GALNT18: variants seen among roughly 807,000 people sequenced by gnomAD.
GALNT18 encodes GalNAc-transferase 18.
Under a neutral mutation model 69.5 loss-of-function variants are expected in GALNT18, and 44 were observed. The ratio of observed to expected loss-of-function variants is 0.63; its 90% CI spans 0.50 to 0.81. GALNT18 has a LOEUF of 0.81. GALNT18 is among the 40% of genes least tolerant of loss of function. GALNT18 has a pLI of 0.00. For synonymous variants in GALNT18, 364 were observed against 318.2 expected (o/e 1.14, Z -1.53); for missense variants, 715 against 810.0 (o/e 0.88, Z 1.42).
chr11:11,310,096 A>G (rs953447922), intron 9 of GALNT18, among the ~76,000 whole-genome samples: 2 of 152,130 alleles, frequency 1.3e-5, no homozygotes, highest in Non-Finnish European at 2.9e-5. Context: ...AGAAGTCTAC[A>G]CTTGCTGACT....
At position 11,546,777 on chromosome 11, in the gene GALNT18, T is replaced by C. The variant is rs999767186; in HGVS notation, c.235+74582A>G. ...TCTCATCCTTCCATCTTATAAATTA[T>C]CTGAGGACCTGGCATAGAGCAGGCA... On this transcript the variant is annotated intron_variant, in intron 1 of 10. Coordinates refer to ENST00000227756, the MANE Select transcript of GALNT18 (RefSeq NM_198516.3). This position sits in a 1 kb window ranked among gnomAD's most constrained non-coding sequence, Gnocchi z 5.8. Among the ~76,000 whole-genome samples the C allele has an allele frequency of 1.3e-5, 2 of 152,040 alleles. No individual in the cohort carries two copies. Among genetic ancestry groups the C allele is most frequent in the African/African-American group, 4.8e-5 (2 of 41,412 alleles).
rs1299432788 is a variant in GALNT18, at chr11:11,444,708, C to T, written c.428+4036G>A. Among the ~76,000 whole-genome samples, 5 of 152,128 alleles carry T rather than the reference C, an allele frequency of 3.3e-5. No individual in the cohort carries two copies. Among genetic ancestry groups the T allele is most frequent in the South Asian group, 2.1e-4 (1 of 4,802 alleles). On this transcript the variant is annotated intron_variant, in intron 2 of 10. Coordinates refer to ENST00000227756, the MANE Select transcript of GALNT18 (RefSeq NM_198516.3). The surrounding 1 kb of genome is among the most constrained non-coding windows in gnomAD (Gnocchi z 4.4). Reference sequence around the variant, plus strand: ...TAGAGGTGAGAGAAAGGAGGGTGGGCAGGATTCTGAACACTCACTTTCTGA... The same window carrying T: ...TAGAGGTGAGAGAAAGGAGGGTGGGTAGGATTCTGAACACTCACTTTCTGA...
intron 1 of GALNT18, among the ~76,000 whole-genome samples, chr11:11,575,786 G>A (rs756472294): frequency 1.3e-5 from 2 of 152,218 alleles, no homozygotes; most frequent in Non-Finnish European, 2.9e-5. Flanking sequence ...AGGGAGGAAG[G>A]AGGGGAGCCA....
chr11:11,502,113 C>T (rs945230400), intron 1 of GALNT18, among the ~76,000 whole-genome samples: 4 of 152,064 alleles, frequency 2.6e-5, no homozygotes, highest in African/African-American at 9.7e-5. Context: ...GTGTAGAGCT[C>T]GTTTGAGGAT....
intron 6 of GALNT18, among the ~76,000 whole-genome samples, chr11:11,366,472 G>A (rs1351490130): frequency 6.6e-6 from 1 of 152,082 alleles, no homozygotes; most frequent in Non-Finnish European, 1.5e-5. Flanking sequence ...TATCTTTACT[G>A]TTAAAAATAA....
chr11:11,539,292 A>G (rs58097199), intron 1 of GALNT18, among the ~76,000 whole-genome samples: 3 of 146,556 alleles, frequency 2.0e-5, no homozygotes, highest in African/African-American at 8.3e-5. Context: ...TGCCTCCCCC[A>G]CAGTCTTCCC....
chr11:11,501,853 A>T (rs6484955), intron 1 of GALNT18, among the ~76,000 whole-genome samples: 1 of 152,198 alleles, frequency 6.6e-6, no homozygotes, highest in African/African-American at 2.4e-5. Flanking sequence ...CTCGCCTGGG[A>T]AGGTTCTGCC....
intron 1 of GALNT18, among the ~76,000 whole-genome samples, chr11:11,572,149 T>C (rs965441211): frequency 1.2e-4 from 19 of 152,302 alleles, no homozygotes; most frequent in East Asian, 9.7e-4. Flanking sequence ...CATCGAGTAG[T>C]GGTGTGGATG....
intron 9 of GALNT18, among the ~76,000 whole-genome samples, chr11:11,298,689 A>T (rs1590019783): frequency 6.6e-6 from 1 of 152,248 alleles, no homozygotes; most frequent in Non-Finnish European, 1.5e-5. Context: ...CTCAGGGGCC[A>T]TTGTGGGTGG....
rs764808970 is a variant in GALNT18 at position 11,621,519 on chromosome 11, G to A, written c.75C>T (p.Cys25=). The A allele has an allele frequency of 8.1e-6, 13 of 1,613,984 alleles. No homozygotes were observed. In the Admixed American group the frequency reaches 1.0e-4, roughly 12 times the overall value. ...VILSGMTNII[C]LLYVGWVTNY... Reference sequence around the variant, plus strand: ...TGGTGACCCAGCCCACGTAGAGCAGGCAGATGATGTTAGTCATGCCGCTCA... The same window carrying A: ...TGGTGACCCAGCCCACGTAGAGCAGACAGATGATGTTAGTCATGCCGCTCA... The change falls in exon 1 of 11, where the codon TGC becomes TGT. Residue 25 remains cysteine, a synonymous_variant. Transcript: ENST00000227756. This position sits in a 1 kb window ranked among gnomAD's most constrained non-coding sequence, Gnocchi z 9.3.
At chr11:11,276,437 A>G (rs907386631) in intron 10 of GALNT18, among the ~76,000 whole-genome samples, 2 of 152,156 alleles carry the variant, frequency 1.3e-5, no homozygotes, top group Non-Finnish European at 2.9e-5. Context: ...GGCTGAGACA[A>G]TGGGGTTTTC....
Position 11,487,534 on chromosome 11 carries a change from A to G in GALNT18, c.236-38598T>C, listed in dbSNP as rs1241588521. On this transcript the variant is annotated intron_variant, in intron 1 of 10. Transcript: ENST00000227756. ...ATATGTAAGTTTTGAGACCCACTGA[A>G]AATACTCATTCATCTGTGCATCCTT... 2.6e-5 allele frequency among the ~76,000 whole-genome samples: 4 copies of G among 152,348 alleles called. No homozygotes were observed. The East Asian group carries it at 7.7e-4, about 29-fold the overall frequency.
At position 11,564,692 on chromosome 11, in the gene GALNT18, G is replaced by T. The variant is rs1434734025; in HGVS notation, c.235+56667C>A. ...TATGAAAACCCTGCTAACCCAAGAA[G>T]TATCCAGCCAGTCAACCCACACAGC... On this transcript the variant is annotated intron_variant, in intron 1 of 10. Coordinates refer to ENST00000227756, the MANE Select transcript of GALNT18 (RefSeq NM_198516.3). The surrounding 1 kb of genome is among the most constrained non-coding windows in gnomAD (Gnocchi z 4.3). 6.6e-6 allele frequency among the ~76,000 whole-genome samples: 1 copy of T among 152,178 alleles called. No individual in the cohort carries two copies. The highest frequency in any genetic ancestry group is 1.5e-5 in the Non-Finnish European group (1 of 68,042).
intron 3 of GALNT18, among the ~76,000 whole-genome samples, chr11:11,425,056 G>A (rs1311021157): frequency 2.0e-5 from 3 of 152,200 alleles, no homozygotes; most frequent in Non-Finnish European, 4.4e-5. Context: ...ACACTGGCAG[G>A]TTTCTGCCCA....
At chr11:11,321,830 CCTGACCT>C (rs1419368179) in intron 9 of GALNT18, among the ~76,000 whole-genome samples, 1 of 152,180 alleles carries the variant, frequency 6.6e-6, no homozygotes, top group Non-Finnish European at 1.5e-5. Context: ...GTCTCGAACT[CCTGACCT>C]CAGGTGAACT....
chr11:11,563,598 C>T lies in GALNT18; in HGVS notation c.235+57761G>A, dbSNP rs567023576. Reference sequence around the variant, plus strand: ...TCTCATCTGACTATCACTCCATCCTCATGTCACAAGTGAGGAAACTAAGGC... The same window carrying T: ...TCTCATCTGACTATCACTCCATCCTTATGTCACAAGTGAGGAAACTAAGGC... On this transcript the variant is annotated intron_variant, in intron 1 of 10. Coordinates refer to ENST00000227756, the MANE Select transcript of GALNT18 (RefSeq NM_198516.3). This position sits in a 1 kb window ranked among gnomAD's most constrained non-coding sequence, Gnocchi z 4.6. Among the ~76,000 whole-genome samples, 3 of 152,334 alleles carry T rather than the reference C, an allele frequency of 2.0e-5. No homozygotes were observed. The highest frequency in any genetic ancestry group is 4.1e-4 in the South Asian group (2 of 4,826).
intron 1 of GALNT18, among the ~76,000 whole-genome samples, chr11:11,506,719 T>A (rs1307926312): frequency 6.6e-6 from 1 of 152,230 alleles, no homozygotes; most frequent in Non-Finnish European, 1.5e-5. Context: ...CTGAAGACTA[T>A]GCTGCTTCCA....
intron 1 of GALNT18, among the ~76,000 whole-genome samples, chr11:11,530,468 T>C (rs933526932): frequency 8.5e-5 from 13 of 152,202 alleles, no homozygotes; most frequent in African/African-American, 3.1e-4. Flanking sequence ...AAAATGCCAG[T>C]GGGCAGGACA....
chr11:11,514,368 G>T (rs966799568), intron 1 of GALNT18, among the ~76,000 whole-genome samples: 3 of 152,188 alleles, frequency 2.0e-5, no homozygotes, highest in African/African-American at 7.2e-5. Context: ...TTACACAGCA[G>T]AATTCCTGAA....
Sources: gnomAD v4.1 joint callset for allele counts (sites outside exome capture counted in the v4.1 genomes callset) on GRCh38, gnomAD v4.1.1 for gene constraint, Gnocchi (gnomAD v3.1) non-coding constraint, MANE v1.5 for transcripts, NCBI Gene and HGNC (gene_info 2026-07-23, HGNC 2026-07-21) for gene names.